ZNF385D: variants seen among roughly 807,000 people sequenced by gnomAD.
ZNF385D encodes zinc finger protein 385D, also known as zinc finger protein 659.
A neutral mutation model predicts 35.8 loss-of-function variants in ZNF385D; 15 were observed. The ratio of observed to expected loss-of-function variants is 0.42; its 90% CI spans 0.28 to 0.64. The LOEUF (loss-of-function observed/expected upper bound fraction) is 0.64. ZNF385D is among the 30% of genes least tolerant of loss of function. The pLI is 0.23. For missense variants in ZNF385D, 474 were observed against 494.6 expected (o/e 0.96, Z 0.39); for synonymous variants, 212 against 186.8 (o/e 1.13, Z -1.10).
At chr3:21,975,343 A>T (rs1483581330) in intron 3 of ZNF385D, among the ~76,000 whole-genome samples, 1 of 152,100 alleles carries the variant, frequency 6.6e-6, no homozygotes, top group African/African-American at 2.4e-5. Context: ...TATTGGTGGG[A>T]GCTAAAAATT....
Position 22,050,298 on chromosome 3 carries a change from G to A in ZNF385D, c.325+118519C>T, listed in dbSNP as rs61429733. Among the ~76,000 whole-genome samples, 920 of 151,956 alleles carry A rather than the reference G, an allele frequency of 6.1e-3. 10 individuals carry two copies. Among genetic ancestry groups the A allele is most frequent in the African/African-American group, 0.021 (874 of 41,430 alleles). On this transcript the variant is annotated intron_variant, in intron 3 of 5. Coordinates refer to the ZNF385D transcript ENST00000494108. ...GACTGCTTGAGCCCCAGAGGTTGAC[G>A]CTCCAGTGAAGCATGATTGTGCCAT...
At chr3:22,260,842 T>C (rs1175986424) in intron 2 of ZNF385D, among the ~76,000 whole-genome samples, 1 of 152,070 alleles carries the variant, frequency 6.6e-6, no homozygotes, top group East Asian at 1.9e-4. Context: ...AGATTTTCAA[T>C]TCTGAAGAAA....
intron 1 of ZNF385D, among the ~76,000 whole-genome samples, chr3:21,735,908 A>C (rs1054689657): frequency 2.0e-5 from 3 of 152,222 alleles, no homozygotes; most frequent in African/African-American, 7.2e-5. Context: ...AGGGCTGGGA[A>C]AATGAGCACC....
chr3:22,228,881 A>G (rs1006500258), intron 2 of ZNF385D, among the ~76,000 whole-genome samples: 1 of 152,164 alleles, frequency 6.6e-6, no homozygotes, highest in African/African-American at 2.4e-5. Flanking sequence ...ATAGACTCCA[A>G]TTATTCAGCT....
intron 3 of ZNF385D, among the ~76,000 whole-genome samples, chr3:21,799,281 C>T (rs1575669927): frequency 6.6e-6 from 1 of 152,176 alleles, no homozygotes; most frequent in East Asian, 1.9e-4. Context: ...TTTTGGAATG[C>T]TTGTTTTCTT....
At chr3:21,619,319 T>C (rs1469686207) in intron 2 of ZNF385D, among the ~76,000 whole-genome samples, 1 of 152,162 alleles carries the variant, frequency 6.6e-6, no homozygotes, top group Non-Finnish European at 1.5e-5. Context: ...GTGACTGGCT[T>C]GTTGTGTGTG....
At chr3:22,129,678 A>G (rs1703658409) in intron 3 of ZNF385D, among the ~76,000 whole-genome samples, 1 of 151,972 alleles carries the variant, frequency 6.6e-6, no homozygotes, top group African/African-American at 2.4e-5. Flanking sequence ...CTCTTTAGTC[A>G]TAAAGTGGTG....
chr3:21,569,278 A>G (rs1381665846), intron 2 of ZNF385D, among the ~76,000 whole-genome samples: 12 of 148,784 alleles, frequency 8.1e-5, no homozygotes, highest in African/African-American at 2.7e-4. Context: ...TAGGATAGTT[A>G]GCTCTTCTTG....
chr3:22,337,282 C>A (rs969218599), intron 2 of ZNF385D, among the ~76,000 whole-genome samples: 23 of 152,006 alleles, frequency 1.5e-4, no homozygotes, highest in African/African-American at 5.1e-4. Context: ...CTGTAATCCC[C>A]AGATTTTGAA....
chr3:21,444,393 T>TC (rs527757671), intron 4 of ZNF385D, among the ~76,000 whole-genome samples: 1 of 71,664 alleles, frequency 1.4e-5, no homozygotes, highest in Non-Finnish European at 2.3e-5. Context: ...TTTTGTTTTT[T>TC]TTTTTTTTTG....
chr3:22,287,777 GT>G (rs1702100663), intron 2 of ZNF385D, among the ~76,000 whole-genome samples: 1 of 151,874 alleles, frequency 6.6e-6, no homozygotes, highest in African/African-American at 2.4e-5. Flanking sequence ...TAGAAATAAG[GT>G]TAACTTACAC....
At chr3:21,508,679 C>G (rs1706968058) in intron 4 of ZNF385D, among the ~76,000 whole-genome samples, 1 of 152,168 alleles carries the variant, frequency 6.6e-6, no homozygotes, top group South Asian at 2.1e-4. Flanking sequence ...ATTACTGTAA[C>G]TAAGCATTAA....
intron 3 of ZNF385D, among the ~76,000 whole-genome samples, chr3:21,878,959 T>C (rs1209289844): frequency 6.6e-6 from 1 of 152,050 alleles, no homozygotes; most frequent in African/African-American, 2.4e-5. Flanking sequence ...AAAAGAGCCA[T>C]GTACATTTGG....
chr3:21,515,467 T>G lies in ZNF385D; in HGVS notation c.277-4444A>C, dbSNP rs571549596. 2.8e-4 allele frequency among the ~76,000 whole-genome samples: 43 copies of G among 152,352 alleles called. 1 individual carries two copies. The South Asian group carries it at 5.0e-3, about 18-fold the overall frequency. On this transcript the variant is annotated intron_variant, in intron 3 of 7. Transcript: ENST00000281523. ...GTAGCCTTTTTAGTTTGTGATGTCA[T>G]GTAATTTTATCATATATTAAATTTG...
At chr3:21,515,983 T>G (rs1707536269) in intron 3 of ZNF385D, among the ~76,000 whole-genome samples, 1 of 151,930 alleles carries the variant, frequency 6.6e-6, no homozygotes, top group South Asian at 2.1e-4. Context: ...TTCAGACTTT[T>G]TCATTCTGAC....
Position 21,746,997 on chromosome 3 carries a change from A to AGGGGAATAGGGTTCT in ZNF385D, c.22+3883_22+3897dup, listed in dbSNP as rs558529614. Among the ~76,000 whole-genome samples the AGGGGAATAGGGTTCT allele has an allele frequency of 6.2e-3, 940 of 151,798 alleles. 16 individuals are homozygous for AGGGGAATAGGGTTCT. Among genetic ancestry groups the AGGGGAATAGGGTTCT allele is most frequent in the African/African-American group, 0.021 (878 of 41,390 alleles). On this transcript the variant is annotated intron_variant, in intron 1 of 7. Transcript: ENST00000281523. ...ATGTACAAATGCGTCTATTATAGGCAGGGGAATAGGGTTCTGTCCTAGAAT... is the reference window on the plus strand; with the variant it reads ...ATGTACAAATGCGTCTATTATAGGCAGGGGAATAGGGTTCTGGGGAATAGGGTTCTGTCCTAGAAT...
chr3:22,363,870 T>C (rs1219883078), intron 2 of ZNF385D, among the ~76,000 whole-genome samples: 1 of 152,124 alleles, frequency 6.6e-6, no homozygotes, highest in Non-Finnish European at 1.5e-5. Flanking sequence ...AATTAATTTT[T>C]ACAAGTCAAC....
chr3:21,867,859 C>G (rs1697458048), intron 3 of ZNF385D, among the ~76,000 whole-genome samples: 1 of 152,058 alleles, frequency 6.6e-6, no homozygotes, highest in Admixed American at 6.6e-5. Flanking sequence ...ACATGTCACT[C>G]TTGAACACTT....
intron 2 of ZNF385D, among the ~76,000 whole-genome samples, chr3:22,255,742 A>C (rs1437297519): frequency 1.3e-5 from 2 of 150,894 alleles, no homozygotes; most frequent in African/African-American, 4.9e-5. Context: ...GTTCACTAAT[A>C]GTTTGTATTT....
Sources: gnomAD v4.1 joint callset for allele counts (sites outside exome capture counted in the v4.1 genomes callset) on GRCh38, gnomAD v4.1.1 for gene constraint, MANE v1.5 for transcripts, NCBI Gene and HGNC (gene_info 2026-07-23, HGNC 2026-07-21) for gene names.